CLDN10: variants seen among roughly 807,000 people sequenced by gnomAD.
The protein encoded by CLDN10 is claudin 10.
Under a neutral mutation model 22.9 loss-of-function variants are expected in CLDN10, and 15 were observed. The ratio of observed to expected loss-of-function variants is 0.65; its 90% CI spans 0.44 to 1.01. CLDN10 has a LOEUF of 1.01. CLDN10 is among the 50% of genes least tolerant of loss of function. The pLI, the probability that CLDN10 is intolerant of heterozygous loss-of-function variation, is 0.00. For synonymous variants in CLDN10, 114 were observed against 111.4 expected (o/e 1.02, Z -0.15); for missense variants, 247 against 287.8 (o/e 0.86, Z 1.03).
chr13:95,562,236 A>G (rs1225239810), intron 3 of CLDN10, among the ~76,000 whole-genome samples: 2 of 151,624 alleles, frequency 1.3e-5, no homozygotes, highest in African/African-American at 4.9e-5. Context: ...CCGGCCCCGG[A>G]TAATTTTTAC....
intron 1 of CLDN10, among the ~76,000 whole-genome samples, chr13:95,530,862 C>T (rs2043334941): frequency 1.3e-5 from 2 of 151,810 alleles, no homozygotes; most frequent in Non-Finnish European, 2.9e-5. Context: ...TACTAAGATC[C>T]TTCCTAGAAA....
intron 1 of CLDN10, among the ~76,000 whole-genome samples, chr13:95,541,149 T>C (rs1313329997): frequency 6.6e-6 from 1 of 152,248 alleles, no homozygotes; most frequent in Non-Finnish European, 1.5e-5. Flanking sequence ...TAGGCACCGA[T>C]GCTTGAGAAT....
At chr13:95,472,395 C>A (rs6492791) in intron 1 of CLDN10, among the ~76,000 whole-genome samples, 69,061 of 151,968 alleles carry the variant, frequency 0.45, 15,737 homozygotes, top group Middle Eastern at 0.53. Flanking sequence ...AAATATAGTG[C>A]GATAGGCCAG....
At chr13:95,553,883 T>TA (rs2043601501) in intron 1 of CLDN10, among the ~76,000 whole-genome samples, 1 of 152,234 alleles carries the variant, frequency 6.6e-6, no homozygotes, top group African/African-American at 2.4e-5. Context: ...TTGCTCAAGT[T>TA]CTAGGCCCGT....
At chr13:95,518,488 G>A (rs932199582) in intron 1 of CLDN10, among the ~76,000 whole-genome samples, 1 of 152,150 alleles carries the variant, frequency 6.6e-6, no homozygotes, top group African/African-American at 2.4e-5. Context: ...AGGTGTGGTG[G>A]TTCACGCCTG....
chr13:95,463,697 C>G (rs560158257), intron 1 of CLDN10, among the ~76,000 whole-genome samples: 1 of 152,180 alleles, frequency 6.6e-6, no homozygotes, highest in East Asian at 1.9e-4. Flanking sequence ...ACACTATTTA[C>G]AGCAGTCAGT....
intron 1 of CLDN10, among the ~76,000 whole-genome samples, chr13:95,505,543 G>GT (rs1346665924): frequency 6.6e-6 from 1 of 152,172 alleles, no homozygotes; most frequent in East Asian, 1.9e-4. Context: ...TATCTGAAGG[G>GT]TATTTTTGGC....
intron 1 of CLDN10, among the ~76,000 whole-genome samples, chr13:95,499,788 G>A (rs2042966135): frequency 6.6e-6 from 1 of 152,176 alleles, no homozygotes; most frequent in Non-Finnish European, 1.5e-5. Context: ...GACACGTTGG[G>A]AAGGGATTTA....
chr13:95,495,278 C>T (rs1232988154), intron 1 of CLDN10, among the ~76,000 whole-genome samples: 1 of 151,912 alleles, frequency 6.6e-6, no homozygotes, highest in Non-Finnish European at 1.5e-5. Flanking sequence ...CTCAAGTGAT[C>T]TGTCCGTCTT....
At chr13:95,451,318 C>T (rs751240522) in intron 1 of CLDN10, among the ~76,000 whole-genome samples, 3 of 152,214 alleles carry the variant, frequency 2.0e-5, no homozygotes, top group Admixed American at 6.5e-5. Flanking sequence ...TTCATCACTC[C>T]GCATCTCTCT....
chr13:95,494,623 C>T (rs546374567), intron 1 of CLDN10, among the ~76,000 whole-genome samples: 2 of 152,176 alleles, frequency 1.3e-5, no homozygotes, highest in Non-Finnish European at 2.9e-5. Flanking sequence ...ATAGAATCTA[C>T]TTGTACAATT....
chr13:95,572,415 T>C lies in CLDN10; in HGVS notation c.465-4816T>C, dbSNP rs72651929. On this transcript the variant is annotated intron_variant, in intron 3 of 4. Coordinates refer to ENST00000299339, the MANE Select transcript of CLDN10 (RefSeq NM_006984.5). ...GTCTACCATTTACTTGGCTGAGACATGAAGGAACAAGTAATTTAATCTCCC... is the reference window on the plus strand; with the variant it reads ...GTCTACCATTTACTTGGCTGAGACACGAAGGAACAAGTAATTTAATCTCCC... 4.1e-3 allele frequency among the ~76,000 whole-genome samples: 628 copies of C among 152,272 alleles called. 1 individual carries two copies. The highest frequency in any genetic ancestry group is 6.9e-3 in the Admixed American group (106 of 15,298).
chr13:95,563,486 A>T (rs1418878788), intron 3 of CLDN10, among the ~76,000 whole-genome samples: 1 of 152,198 alleles, frequency 6.6e-6, no homozygotes, highest in Non-Finnish European at 1.5e-5. Flanking sequence ...GGTAATATTT[A>T]CAAATAACAG....
At chr13:95,439,302 G>A (rs750228385) in intron 1 of CLDN10, among the ~76,000 whole-genome samples, 1 of 151,926 alleles carries the variant, frequency 6.6e-6, no homozygotes, top group Non-Finnish European at 1.5e-5. Context: ...TCCTCACATG[G>A]TGGAAGGGGC....
At chr13:95,535,023 A>G (rs1046318970) in intron 1 of CLDN10, among the ~76,000 whole-genome samples, 1 of 152,094 alleles carries the variant, frequency 6.6e-6, no homozygotes, top group Non-Finnish European at 1.5e-5. Context: ...GAGTTTTTTT[A>G]AAAAGTAATT....
At chr13:95,508,441 C>T (rs972859460) in intron 1 of CLDN10, among the ~76,000 whole-genome samples, 13 of 152,198 alleles carry the variant, frequency 8.5e-5, no homozygotes, top group Admixed American at 7.2e-4. Flanking sequence ...CATATGTACC[C>T]CTGTATTCTC....
chr13:95,528,987 T>A (rs1431463799), intron 1 of CLDN10, among the ~76,000 whole-genome samples: 1 of 152,168 alleles, frequency 6.6e-6, no homozygotes, highest in East Asian at 1.9e-4. Context: ...TGATGGCCAA[T>A]CAAGGGTGTT....
At chr13:95,543,210 C>T (rs540143313) in intron 1 of CLDN10, among the ~76,000 whole-genome samples, 4 of 151,902 alleles carry the variant, frequency 2.6e-5, no homozygotes, top group South Asian at 2.1e-4. Context: ...TCAGCCTGGG[C>T]GACAGAGCGA....
At chr13:95,463,281 G>A (rs4573806) in intron 1 of CLDN10, among the ~76,000 whole-genome samples, 1,771 of 41,322 alleles carry the variant, frequency 0.043, 85 homozygotes, top group African/African-American at 0.12. Flanking sequence ...AAGTGCAAAT[G>A]CTTAATATAT....
Sources: gnomAD v4.1 joint callset for allele counts (sites outside exome capture counted in the v4.1 genomes callset) on GRCh38, gnomAD v4.1.1 for gene constraint, MANE v1.5 for transcripts, NCBI Gene and HGNC (gene_info 2026-07-23, HGNC 2026-07-21) for gene names.